Variants in STOX2 observed in about 807,000 individuals in gnomAD.
STOX2 encodes storkhead box 2.
Under a neutral mutation model 60.9 loss-of-function variants are expected in STOX2, and 28 were observed. The ratio of observed to expected loss-of-function variants is 0.46; its 90% CI spans 0.34 to 0.63. STOX2 has a LOEUF of 0.63. STOX2 is among the 30% of genes least tolerant of loss of function. STOX2 has a pLI of 0.01. For synonymous variants in STOX2, 472 were observed against 463.9 expected, an observed-to-expected ratio of 1.02 and a Z score of -0.22; for missense variants, 1,024 against 1,187.7, an observed-to-expected ratio of 0.86 and a Z score of 2.03.
intron 1 of STOX2, among the ~76,000 whole-genome samples, chr4:183,882,220 G>T (rs746828160): frequency 1.9e-4 from 29 of 152,310 alleles, no homozygotes; most frequent in Middle Eastern, 3.4e-3. Flanking sequence ...GAATCCCTGA[G>T]ATAAAATGCC....
chr4:183,798,630 G>T (rs570304049), intron 1 of STOX2: 2 of 985,382 alleles, frequency 2.0e-6, no homozygotes, highest in African/African-American at 3.5e-5. Context: ...CGTCTTAAAT[G>T]TCTCACCTGC....
upstream of STOX2, among the ~76,000 whole-genome samples, chr4:183,903,083 CT>C (rs1741498092): frequency 6.6e-5 from 10 of 152,218 alleles, no homozygotes; most frequent in South Asian, 2.1e-3. Context: ...AACAGATTCC[CT>C]CTTCTTCTGT....
chr4:183,919,355 T>C (rs1413361122), intron 1 of STOX2, among the ~76,000 whole-genome samples: 1 of 151,960 alleles, frequency 6.6e-6, no homozygotes, highest in African/African-American at 2.4e-5. Context: ...GGCAGCGCGG[T>C]GGAGTGTGCT....
chr4:183,821,519 C>A lies in STOX2; in HGVS notation c.364+23464C>A, dbSNP rs1204388196. On this transcript the variant is annotated intron_variant, in intron 1 of 2. Transcript: ENST00000513034. This position sits in a 1 kb window ranked among gnomAD's most constrained non-coding sequence, Gnocchi z 4.2. ...TTAAGAGAATGCGGGTGATCCCAAC[C>A]CTTGCTGCGAAGGTCATTGCTCACA... Among the ~76,000 whole-genome samples, 1 of 152,358 alleles carries A rather than the reference C, an allele frequency of 6.6e-6. No individual in the cohort carries two copies. The highest frequency in any genetic ancestry group is 2.1e-4 in the South Asian group (1 of 4,834).
At chr4:183,815,442 T>C (rs1739133563) in intron 1 of STOX2, among the ~76,000 whole-genome samples, 1 of 152,136 alleles carries the variant, frequency 6.6e-6, no homozygotes, top group Non-Finnish European at 1.5e-5. Flanking sequence ...AGTTACAACA[T>C]TGCTTTAGAA....
At chr4:183,810,270 T>C (rs1029629876) in intron 1 of STOX2, among the ~76,000 whole-genome samples, 1 of 152,184 alleles carries the variant, frequency 6.6e-6, no homozygotes, top group African/African-American at 2.4e-5. Flanking sequence ...ACCTCCTTCA[T>C]TGTGTATCTG....
rs1734468429 is a variant in STOX2, at chr4:184,018,665, T to C, written c.*1381T>C. ...TTAGACCAACTTATTTCCAAATGGT[T>C]TGTTAACATTTTGCTTTGGTTTACA... On this transcript the variant is annotated 3_prime_UTR_variant, in exon 4 of 4. Coordinates refer to ENST00000308497, the MANE Select transcript of STOX2 (RefSeq NM_020225.3). The C allele has an allele frequency of 6.6e-6, 1 of 152,218 alleles. No individual in the cohort carries two copies. Among genetic ancestry groups the C allele is most frequent in the Admixed American group, 6.5e-5 (1 of 15,280 alleles). The allele number at this position is 152,218 out of a possible 1,614,324, so 9.4% of individuals were successfully genotyped here.
intron 1 of STOX2, among the ~76,000 whole-genome samples, chr4:183,888,073 C>T (rs769349867): frequency 6.6e-6 from 1 of 152,102 alleles, no homozygotes; most frequent in African/African-American, 2.4e-5. Context: ...TTTTTTAATA[C>T]TGTAGAATGC....
intron 1 of STOX2, among the ~76,000 whole-genome samples, chr4:183,984,829 T>G (rs1253413657): frequency 6.6e-6 from 1 of 152,226 alleles, no homozygotes; most frequent in Non-Finnish European, 1.5e-5. Flanking sequence ...ACACCGAAGC[T>G]GTTATCCAAA....
At chr4:183,924,266 C>T (rs548018453) in intron 1 of STOX2, among the ~76,000 whole-genome samples, 1 of 152,228 alleles carries the variant, frequency 6.6e-6, no homozygotes, top group South Asian at 2.1e-4. Context: ...CCTTGAAGGC[C>T]CCCACAGTTG....
chr4:183,918,482 C>T (rs1293406889), intron 1 of STOX2, among the ~76,000 whole-genome samples: 2 of 152,210 alleles, frequency 1.3e-5, no homozygotes, highest in Admixed American at 6.5e-5. Flanking sequence ...GAGAAAACTC[C>T]GCTTCTGAGC....
chr4:183,993,536 C>G (rs1733200805), intron 1 of STOX2, among the ~76,000 whole-genome samples: 1 of 152,168 alleles, frequency 6.6e-6, no homozygotes, highest in African/African-American at 2.4e-5. Context: ...ATGATTTACT[C>G]AAATAATAGC....
At chr4:183,858,024 C>T (rs1341746406) in intron 1 of STOX2, among the ~76,000 whole-genome samples, 2 of 152,202 alleles carry the variant, frequency 1.3e-5, no homozygotes, top group Non-Finnish European at 2.9e-5. Flanking sequence ...AACTGGGTCC[C>T]TGCCTCCTGG....
Position 183,825,686 on chromosome 4 carries a change from C to T in STOX2, c.364+27631C>T, listed in dbSNP as rs900389971. On this transcript the variant is annotated intron_variant, in intron 1 of 2. Transcript: ENST00000513034. The surrounding 1 kb of genome is among the most constrained non-coding windows in gnomAD (Gnocchi z 4.1). The stretch of plus-strand genomic sequence containing the variant: ...TTGTTATTTTCTGAGGATAGCTTGA[C>T]AGGACAGGGGCAACCTAGACCTAGT... 1.3e-5 allele frequency among the ~76,000 whole-genome samples: 2 copies of T among 152,100 alleles called. No homozygotes were observed. The highest frequency in any genetic ancestry group is 6.6e-5 in the Admixed American group (1 of 15,264).
At chr4:183,984,416 C>T (rs1158985143) in intron 1 of STOX2, among the ~76,000 whole-genome samples, 3 of 152,284 alleles carry the variant, frequency 2.0e-5, no homozygotes, top group East Asian at 3.9e-4. Flanking sequence ...CTTACCTCCT[C>T]AAGTACATTT....
At chr4:183,973,523 TA>T (rs966564378) in intron 1 of STOX2, among the ~76,000 whole-genome samples, 10 of 151,992 alleles carry the variant, frequency 6.6e-5, no homozygotes, top group East Asian at 3.9e-4. Context: ...TATACGAAGG[TA>T]AAAAAATGAA....
intron 1 of STOX2, among the ~76,000 whole-genome samples, chr4:183,935,824 T>G (rs979488971): frequency 6.6e-6 from 1 of 152,208 alleles, no homozygotes; most frequent in African/African-American, 2.4e-5. Flanking sequence ...CATGCAGAGA[T>G]TTCTAGTGAT....
In STOX2 at chr4:183,802,846, C is replaced by T. The variant is rs529832506; in HGVS notation, c.364+4791C>T. On this transcript the variant is annotated intron_variant, in intron 1 of 2. Transcript: ENST00000513034. ...CCGTATTAGCCGTGATGGTCTCGATCTCCTGACCTCTTGATCCGCCTGCCT... is the reference window on the plus strand; with the variant it reads ...CCGTATTAGCCGTGATGGTCTCGATTTCCTGACCTCTTGATCCGCCTGCCT... 1.1e-4 allele frequency among the ~76,000 whole-genome samples: 17 copies of T among 152,342 alleles called. No homozygotes were observed. In the South Asian group the frequency reaches 3.1e-3, roughly 28 times the overall value.
At chr4:183,961,082 A>G (rs1743398214) in intron 1 of STOX2, among the ~76,000 whole-genome samples, 1 of 152,130 alleles carries the variant, frequency 6.6e-6, no homozygotes, top group African/African-American at 2.4e-5. Flanking sequence ...ATGTTTTATC[A>G]CATTCATAAA....
Sources: allele counts gnomAD v4.1 joint callset (sites outside exome capture counted in the v4.1 genomes callset), GRCh38; gene constraint gnomAD v4.1.1; non-coding constraint Gnocchi (gnomAD v3.1); transcripts MANE v1.5; gene names NCBI Gene and HGNC (gene_info 2026-07-23, HGNC 2026-07-21).